Variants in SNTG1 observed in about 807,000 individuals in gnomAD.
The protein encoded by SNTG1 is syntrophin gamma 1.
SNTG1 carries 39 observed loss-of-function variants against 74.7 expected under a neutral mutation model. The ratio of observed to expected loss-of-function variants is 0.52; its 90% CI spans 0.40 to 0.68. The LOEUF is 0.68. SNTG1 is among the 30% of genes least tolerant of loss of function. The pLI is 0.00. For missense variants in SNTG1, 685 were observed against 609.5 expected (o/e 1.12, Z -1.30); for synonymous variants, 254 against 217.1 (o/e 1.17, Z -1.49).
intron 3 of SNTG1, among the ~76,000 whole-genome samples, chr8:50,396,650 T>G (rs1167707261): frequency 6.6e-6 from 1 of 152,254 alleles, no homozygotes; most frequent in Non-Finnish European, 1.5e-5. Flanking sequence ...TTATTATCTC[T>G]GCCTACTTTT....
intron 17 of SNTG1, among the ~76,000 whole-genome samples, chr8:50,734,320 G>A (rs1443989503): frequency 5.3e-5 from 8 of 151,570 alleles, no homozygotes; most frequent in Non-Finnish European, 3.0e-5. Flanking sequence ...GACATCTTCA[G>A]GATAGTGACA....
chr8:50,492,206 G>C (rs1233493349), intron 8 of SNTG1, among the ~76,000 whole-genome samples: 2 of 152,186 alleles, frequency 1.3e-5, no homozygotes, highest in African/African-American at 4.8e-5. Context: ...ATGTGTGCAT[G>C]TGTCTTTATG....
rs1272314072 is a variant in SNTG1 at position 50,502,814 on chromosome 8, C to G, written c.400C>G (p.Leu134Val). The G allele has an allele frequency of 6.2e-7, 1 of 1,613,322 alleles. No homozygotes were observed. Among genetic ancestry groups the G allele is most frequent in the Non-Finnish European group, 8.5e-7 (1 of 1,179,588 alleles). The change falls in exon 9 of 19, where the codon CTA becomes GTA. Residue 134 changes from leucine (L) to valine (V), a missense_variant. Coordinates refer to ENST00000642720, the MANE Select transcript of SNTG1 (RefSeq NM_018967.5). ...VLRNAGEEVT[L>V]TVSFLKRAPA... is the part of the protein sequence containing the mutation. ...TCGGAATGCTGGAGAAGAAGTGACT[C>G]TAACAGTGTCATTTTTAAAAAGAGC...
At chr8:50,087,534 A>G (rs1319049945) in intron 1 of SNTG1, among the ~76,000 whole-genome samples, 2 of 152,146 alleles carry the variant, frequency 1.3e-5, no homozygotes, top group Admixed American at 1.3e-4. Flanking sequence ...TGTTTCTAAA[A>G]TATTTTAGGT....
At chr8:50,662,481 C>A (rs534813730) in intron 15 of SNTG1, among the ~76,000 whole-genome samples, 3 of 152,140 alleles carry the variant, frequency 2.0e-5, no homozygotes, top group African/African-American at 7.2e-5. Flanking sequence ...TATTGTTATT[C>A]CCATTTTAGA....
At chr8:49,937,298 G>A (rs1808174688) in intron 1 of SNTG1, among the ~76,000 whole-genome samples, 1 of 152,190 alleles carries the variant, frequency 6.6e-6, no homozygotes, top group South Asian at 2.1e-4. Flanking sequence ...TGGATCAGGA[G>A]CTGCCTGGGA....
intron 1 of SNTG1, among the ~76,000 whole-genome samples, chr8:50,060,002 C>T (rs1820339254): frequency 2.0e-5 from 3 of 152,034 alleles, no homozygotes; most frequent in Non-Finnish European, 4.4e-5. Context: ...CCATGTTTGC[C>T]AACACTTGCT....
intron 16 of SNTG1, among the ~76,000 whole-genome samples, chr8:50,706,936 T>A (rs2095445244): frequency 6.6e-6 from 1 of 152,102 alleles, no homozygotes; most frequent in Non-Finnish European, 1.5e-5. Context: ...GTTCCTCATT[T>A]AAACTTCCTT....
At chr8:50,296,814 C>A (rs2089401024) in intron 2 of SNTG1, among the ~76,000 whole-genome samples, 2 of 151,130 alleles carry the variant, frequency 1.3e-5, no homozygotes, top group South Asian at 4.2e-4. Flanking sequence ...AAAGAAAAAG[C>A]AAAACGAAAA....
At chr8:50,154,910 G>A (rs536205945) in intron 1 of SNTG1, among the ~76,000 whole-genome samples, 1 of 152,196 alleles carries the variant, frequency 6.6e-6, no homozygotes, top group African/African-American at 2.4e-5. Flanking sequence ...TTCAGTTCAT[G>A]GCAATGTGGC....
chr8:50,536,136 A>G (rs1413343494), intron 10 of SNTG1, among the ~76,000 whole-genome samples: 2 of 152,214 alleles, frequency 1.3e-5, no homozygotes, highest in Non-Finnish European at 2.9e-5. Context: ...TAAACTTTTT[A>G]TGAACATGAA....
intron 4 of SNTG1, among the ~76,000 whole-genome samples, chr8:50,404,783 C>G (rs1305617895): frequency 6.6e-6 from 1 of 152,070 alleles, no homozygotes; most frequent in Non-Finnish European, 1.5e-5. Flanking sequence ...TACTGAAACT[C>G]TGTACGCATT....
intron 13 of SNTG1, among the ~76,000 whole-genome samples, chr8:50,643,472 G>T (rs1268827677): frequency 2.0e-5 from 3 of 152,160 alleles, no homozygotes; most frequent in African/African-American, 7.2e-5. Context: ...AGAGGGGAAG[G>T]AGATGGTTTC....
At chr8:50,199,419 T>C (rs1486595766) in intron 2 of SNTG1, among the ~76,000 whole-genome samples, 3 of 152,074 alleles carry the variant, frequency 2.0e-5, no homozygotes, top group African/African-American at 4.8e-5. Context: ...TGTTTCACCA[T>C]GTTGGCCAGG....
chr8:50,343,778 C>T (rs1039564486), intron 2 of SNTG1, among the ~76,000 whole-genome samples: 3 of 152,168 alleles, frequency 2.0e-5, no homozygotes, highest in African/African-American at 7.2e-5. Context: ...AAGCAATTAT[C>T]TTACTGATTT....
intron 13 of SNTG1, among the ~76,000 whole-genome samples, chr8:50,628,724 C>T (rs2094974852): frequency 6.6e-6 from 1 of 152,022 alleles, no homozygotes; most frequent in Non-Finnish European, 1.5e-5. Context: ...TACTTGTGGT[C>T]TTTAATAATA....
intron 11 of SNTG1, among the ~76,000 whole-genome samples, chr8:50,546,461 C>T (rs546877076): frequency 4.6e-5 from 7 of 151,938 alleles, no homozygotes; most frequent in Admixed American, 6.6e-5. Flanking sequence ...ATACATGTGC[C>T]GTGTTGGTGT....
intron 8 of SNTG1, among the ~76,000 whole-genome samples, chr8:50,462,806 T>C (rs2093577730): frequency 2.1e-5 from 2 of 94,166 alleles, no homozygotes; most frequent in African/African-American, 9.1e-5. Context: ...CTTTTTTTTT[T>C]TTTTTTTTTT....
intron 3 of SNTG1, among the ~76,000 whole-genome samples, chr8:50,401,845 G>A (rs74821980): frequency 0.019 from 2,893 of 152,144 alleles, 37 homozygotes; most frequent in Middle Eastern, 0.054. Context: ...ATTTTAAAGG[G>A]TTGAATTGTA....
Sources: gnomAD v4.1 joint callset for allele counts (sites outside exome capture counted in the v4.1 genomes callset) on GRCh38, gnomAD v4.1.1 for gene constraint, MANE v1.5 for transcripts, NCBI Gene and HGNC (gene_info 2026-07-23, HGNC 2026-07-21) for gene names.